The following TRAFD1 variants were observed in gnomAD, a reference collection of about 807,000 sequenced individuals.
The protein encoded by TRAFD1 is TRAF-type zinc finger domain containing 1.
In TRAFD1, 38 loss-of-function variants were observed where a neutral mutation model predicts 65.3. The observed-to-expected ratio is 0.58, with a 90% confidence interval of 0.45 to 0.76. The LOEUF (loss-of-function observed/expected upper bound fraction) is 0.76. TRAFD1 is among the 30% of genes least tolerant of loss of function. The pLI is 0.00. For synonymous variants in TRAFD1, 223 were observed against 257.2 expected (o/e 0.87, Z 1.27); for missense variants, 631 against 712.6 (o/e 0.89, Z 1.30).
rs1001868686 is a variant in TRAFD1, at chr12:112,133,382, T to C, written c.48-1356T>C. The C allele has an allele frequency of 4.6e-5, 7 of 152,242 alleles. 1 individual carries two copies. The highest frequency in any genetic ancestry group is 1.4e-4 in the African/African-American group (6 of 41,474). The allele number at this position is 152,242 out of a possible 1,614,324, so 9.4% of individuals were successfully genotyped here. A position where few individuals can be genotyped will look rare whatever the true frequency, so the allele number is the denominator to read the frequency against. ...CTTTGACTGTCCAAAAGCTGGAGTC[T>C]TCTCTTTTTGGTTTGACTTTTCATG... On this transcript the variant is annotated intron_variant, in intron 2 of 11. Coordinates refer to ENST00000412615, the MANE Select transcript of TRAFD1 (RefSeq NM_006700.3).
intron 4 of TRAFD1, among the ~76,000 whole-genome samples, chr12:112,138,534 A>C (rs1593866836): frequency 1.3e-5 from 2 of 151,526 alleles, no homozygotes. Context: ...TGGGCAACAG[A>C]GTGAGACTGT....
intron 1 of TRAFD1, among the ~76,000 whole-genome samples, chr12:112,128,250 C>T (rs1434493535): frequency 6.6e-6 from 1 of 152,052 alleles, no homozygotes; most frequent in African/African-American, 2.4e-5. Context: ...AAGTGATCCG[C>T]CCACCTCAGC....
chr12:112,151,396 CTTTT>C (rs111413952), intron 9 of TRAFD1, among the ~76,000 whole-genome samples: 6 of 143,534 alleles, frequency 4.2e-5, no homozygotes, highest in African/African-American at 1.5e-4. Context: ...GAGCAGTTGT[CTTTT>C]TTTTTTTTGA....
At position 112,152,602 on chromosome 12, in the gene TRAFD1, G is replaced by T; in HGVS notation, c.1692+103G>T. ...AAGTTGTTGGGACCAGGCTGGTTGT[G>T]GTTCAAAGATTGTTCCTTTGGCTTT... On this transcript the variant is annotated intron_variant, in intron 11 of 11. Coordinates refer to ENST00000412615, the MANE Select transcript of TRAFD1 (RefSeq NM_006700.3). The surrounding 1 kb of genome is among the most constrained non-coding windows in gnomAD (Gnocchi z 5.0). 6.3e-7 allele frequency: 1 copy of T among 1,593,724 alleles called. No homozygotes were observed. The highest frequency in any genetic ancestry group is 8.6e-7 in the Non-Finnish European group (1 of 1,165,672).
intron 4 of TRAFD1, among the ~76,000 whole-genome samples, chr12:112,135,536 C>G (rs532634932): frequency 3.9e-5 from 6 of 152,144 alleles, no homozygotes; most frequent in South Asian, 4.2e-4. Flanking sequence ...CAGGTTCAAG[C>G]AATTCTCCTG....
intron 4 of TRAFD1, among the ~76,000 whole-genome samples, chr12:112,138,688 T>C (rs1431497367): frequency 6.6e-6 from 1 of 151,608 alleles, no homozygotes; most frequent in Non-Finnish European, 1.5e-5. Context: ...TGAAACCCCA[T>C]CTCTACTAAA....
intron 5 of TRAFD1, 157 bp downstream of exon 5, chr12:112,141,381 AC>A (rs1359250732): frequency 2.4e-6 from 2 of 847,032 alleles, no homozygotes; most frequent in Non-Finnish European, 3.6e-6. Context: ...AATGGAAATA[AC>A]CTCCATTGGA....
intron 9 of TRAFD1, among the ~76,000 whole-genome samples, chr12:112,150,760 G>A (rs2030382244): frequency 6.6e-6 from 1 of 150,608 alleles, no homozygotes; most frequent in East Asian, 2.0e-4. Flanking sequence ...TTGGGGTTTC[G>A]CCACATTGTC....
Position 112,152,947 on chromosome 12 carries a change from C to T in TRAFD1, c.*156C>T. The T allele has an allele frequency of 1.2e-6, 1 of 803,414 alleles. No individual in the cohort carries two copies. Among genetic ancestry groups the T allele is most frequent in the African/African-American group, 1.7e-5 (1 of 57,300 alleles). 49.8% of individuals were successfully genotyped at this position (803,414 alleles called of 1,614,324 possible). On this transcript the variant is annotated 3_prime_UTR_variant, in exon 12 of 12. Coordinates refer to ENST00000412615, the MANE Select transcript of TRAFD1 (RefSeq NM_006700.3). This position sits in a 1 kb window ranked among gnomAD's most constrained non-coding sequence, Gnocchi z 5.0. ...CCATTTTGTGTCTTTTGAGGTTGTGCTGTGGGGGTTTGGGTTTGAGGGAAG... is the reference window on the plus strand; with the variant it reads ...CCATTTTGTGTCTTTTGAGGTTGTGTTGTGGGGGTTTGGGTTTGAGGGAAG...
intron 8 of TRAFD1, 150 bp from the exon 9 acceptor site, chr12:112,149,601 C>A: frequency 1.0e-6 from 1 of 973,542 alleles, no homozygotes; most frequent in Non-Finnish European, 1.5e-6. Context: ...GCAACCATTC[C>A]AGATGTGTGG....
chr12:112,141,126 C>T lies in TRAFD1; in HGVS notation c.545C>T (p.Pro182Leu), dbSNP rs775821002. Reference sequence around the variant, plus strand: ...GCTCTGGACCCACCCATGAGGCTGCCGCGAAGGCCCCTGAGAGCCTTTGAA... The same window carrying T: ...GCTCTGGACCCACCCATGAGGCTGCTGCGAAGGCCCCTGAGAGCCTTTGAA... ...IEALDPPMRL[P>L]RRPLRAFESD... The change falls in exon 5 of 12, where the codon CCG becomes CTG. Residue 182 changes from proline to leucine, a missense_variant. Physicochemically the swap from Pro to Leu is moderately conservative, Grantham distance 98. Transcript: ENST00000412615. 1.5e-5 allele frequency: 24 copies of T among 1,614,042 alleles called. No individual in the cohort carries two copies. Among genetic ancestry groups the T allele is most frequent in the Admixed American group, 8.3e-5 (5 of 59,994 alleles).
rs769711871 is a variant in TRAFD1 at position 112,142,280 on chromosome 12, C to A, written c.835C>A (p.Leu279Ile). The change falls in exon 6 of 12, where the codon CTC (leucine) becomes ATC (isoleucine). Residue 279 changes from leucine to isoleucine, a missense_variant. By Grantham distance (5) the Leu-to-Ile change is conservative. Coordinates refer to ENST00000412615, the MANE Select transcript of TRAFD1 (RefSeq NM_006700.3). The stretch of plus-strand genomic sequence containing the variant: ...CCAGTCTCATGGCGGTCCCAGGTCT[C>A]TCAGTGACATAAAGGGTAGGCTTGC... ...ADQSHGGPRS[L>I]SDIKGAADEI... 3 of 1,613,392 alleles carry A rather than the reference C, an allele frequency of 1.9e-6. No individual in the cohort carries two copies. The highest frequency in any genetic ancestry group is 2.5e-6 in the Non-Finnish European group (3 of 1,179,536).
chr12:112,128,863 A>G (rs1342833089), intron 1 of TRAFD1, among the ~76,000 whole-genome samples: 1 of 152,018 alleles, frequency 6.6e-6, no homozygotes, highest in African/African-American at 2.4e-5. Context: ...CAACATGGTG[A>G]AACTCCATCT....
intron 8 of TRAFD1, 55 bp from the exon 9 acceptor site, chr12:112,149,696 T>A (rs1477838328): frequency 8.1e-6 from 13 of 1,608,830 alleles, no homozygotes; most frequent in Non-Finnish European, 9.4e-6. Flanking sequence ...CATCGCATGC[T>A]CTTTTCTGGG....
At chr12:112,139,619 C>T (rs2030026105) in intron 4 of TRAFD1, among the ~76,000 whole-genome samples, 1 of 152,082 alleles carries the variant, frequency 6.6e-6, no homozygotes, top group African/African-American at 2.4e-5. Context: ...AGTGGGGTTT[C>T]ACCATGTTGG....
chr12:112,151,776 A>G, intron 9 of TRAFD1, 25 bp from the exon 10 acceptor site: 1 of 1,596,450 alleles, frequency 6.3e-7, no homozygotes, highest in Non-Finnish European at 8.6e-7. Flanking sequence ...TTTTTCCTAA[A>G]GCTGTTACCA....
intron 6 of TRAFD1, among the ~76,000 whole-genome samples, chr12:112,142,596 G>A (rs2030125243): frequency 6.6e-6 from 1 of 151,604 alleles, no homozygotes; most frequent in African/African-American, 2.4e-5. Flanking sequence ...GTTGCAGTCA[G>A]CTGAGATTGT....
At chr12:112,136,887 C>T (rs1434877124) in intron 4 of TRAFD1, among the ~76,000 whole-genome samples, 1 of 152,246 alleles carries the variant, frequency 6.6e-6, no homozygotes, top group Admixed American at 6.5e-5. Context: ...GCTATGGCAT[C>T]TGGCCAAAAC....
At chr12:112,126,516 C>G (rs928900040) in intron 1 of TRAFD1, among the ~76,000 whole-genome samples, 2 of 152,182 alleles carry the variant, frequency 1.3e-5, no homozygotes, top group East Asian at 1.9e-4. Context: ...CAGGCTACCC[C>G]CAGTCTCCTT....
Sources: gnomAD v4.1 joint callset for allele counts (sites outside exome capture counted in the v4.1 genomes callset) on GRCh38, gnomAD v4.1.1 for gene constraint, Gnocchi (gnomAD v3.1) non-coding constraint, MANE v1.5 for transcripts, NCBI Gene and HGNC (gene_info 2026-07-23, HGNC 2026-07-21) for gene names.